The following PAPPA2 variants were observed in gnomAD, a reference collection of about 807,000 sequenced individuals.
The protein encoded by PAPPA2 is pappalysin-2.
In PAPPA2, 86 loss-of-function variants were observed where a neutral mutation model predicts 176.4. That is an observed-to-expected ratio of 0.49 (90% confidence interval 0.41 to 0.58). The LOEUF is 0.58. Among genes scored for constraint, PAPPA2 ranks in the 20% least tolerant of loss-of-function variants. PAPPA2 has a pLI of 0.00. For missense variants in PAPPA2, 2,073 were observed against 2,256.9 expected (o/e 0.92, Z 1.65); for synonymous variants, 809 against 852.2 (o/e 0.95, Z 0.88).
chr1:176,611,127 C>T (rs1295817557), intron 3 of PAPPA2, among the ~76,000 whole-genome samples: 1 of 152,130 alleles, frequency 6.6e-6, no homozygotes, highest in Non-Finnish European at 1.5e-5. Flanking sequence ...TTCTAAGAAT[C>T]ATTTATATGT....
chr1:176,768,589 CT>C (rs1664081145), intron 15 of PAPPA2, among the ~76,000 whole-genome samples: 1 of 152,062 alleles, frequency 6.6e-6, no homozygotes, highest in African/African-American at 2.4e-5. Flanking sequence ...TCCTTTTCTC[CT>C]TTCTATTCTT....
At chr1:176,582,140 G>C (rs1043810434) in intron 2 of PAPPA2, among the ~76,000 whole-genome samples, 2 of 151,872 alleles carry the variant, frequency 1.3e-5, no homozygotes, top group Non-Finnish European at 2.9e-5. Flanking sequence ...TGTTAGCCAG[G>C]ATAGTCTCGA....
chr1:176,702,768 TGTGTGTGTGAGAGAGA>T (rs768402055), intron 9 of PAPPA2, 33 bp downstream of exon 9: 2 of 1,577,518 alleles, frequency 1.3e-6, no homozygotes, highest in Non-Finnish European at 1.7e-6. Context: ...TGTGTGTGTG[TGTGTGTGTGAGAGAGA>T]GAGAGAGAGA....
rs778397336 is a variant in PAPPA2, at chr1:176,793,592, C to T, written c.5053C>T (p.Pro1685Ser). 2.5e-6 allele frequency: 4 copies of T among 1,612,954 alleles called. No homozygotes were observed. Among genetic ancestry groups the T allele is most frequent in the Admixed American group, 1.7e-5 (1 of 59,928 alleles). The change falls in exon 20 of 23, where the codon CCC (proline) becomes TCC (serine). Residue 1685 changes from proline to serine, a missense_variant. By Grantham distance (74) the Pro-to-Ser change is moderately conservative. Around this residue, in one of 4 missense-constraint regions of PAPPA2, gnomAD observed 846 missense variants for 857.9 expected, o/e 0.99. Transcript: ENST00000367662. ...GTGTTCCCCATTGTGTGTAATCCCCCCCAGTGACCCCGTGATGCTACCTGA... is the reference window on the plus strand; with the variant it reads ...GTGTTCCCCATTGTGTGTAATCCCCTCCAGTGACCCCGTGATGCTACCTGA... The part of the protein sequence containing the change: ...AVCSPLCVIP[P>S]SDPVMLPENI...
intron 3 of PAPPA2, among the ~76,000 whole-genome samples, chr1:176,666,296 T>G (rs527799875): frequency 2.8e-4 from 42 of 152,234 alleles, no homozygotes; most frequent in South Asian, 1.2e-3. Flanking sequence ...TTAAAAAAAT[T>G]TCCTGGGCAG....
At chr1:176,487,014 A>C (rs1305341002) in intron 1 of PAPPA2, among the ~76,000 whole-genome samples, 4 of 152,202 alleles carry the variant, frequency 2.6e-5, no homozygotes, top group Non-Finnish European at 1.5e-5. Context: ...GAACCAGGAA[A>C]ACATGGCCAA....
intron 14 of PAPPA2, among the ~76,000 whole-genome samples, chr1:176,747,769 T>A (rs1217061165): frequency 1.3e-5 from 2 of 152,200 alleles, no homozygotes; most frequent in Admixed American, 6.5e-5. Context: ...TGTAAGGCTA[T>A]AATGAGGTGT....
At chr1:176,803,745 T>G (rs2102953175) in intron 21 of PAPPA2, among the ~76,000 whole-genome samples, 1 of 152,348 alleles carries the variant, frequency 6.6e-6, no homozygotes, top group East Asian at 1.9e-4. Flanking sequence ...CTATTGTGTC[T>G]CTTCTGCTAA....
At chr1:176,522,410 G>GA (rs1268646821) in intron 1 of PAPPA2, among the ~76,000 whole-genome samples, 3 of 152,110 alleles carry the variant, frequency 2.0e-5, no homozygotes, top group Non-Finnish European at 4.4e-5. Context: ...TCTTTCAGTA[G>GA]AAAAAACTCC....
At chr1:176,737,475 G>A (rs538528436) in intron 12 of PAPPA2, among the ~76,000 whole-genome samples, 3 of 152,174 alleles carry the variant, frequency 2.0e-5, no homozygotes, top group African/African-American at 4.8e-5. Flanking sequence ...CGTGGGGTCC[G>A]AATGAATGAA....
intron 14 of PAPPA2, among the ~76,000 whole-genome samples, chr1:176,763,307 C>T (rs1663781097): frequency 6.6e-6 from 1 of 152,150 alleles, no homozygotes; most frequent in African/African-American, 2.4e-5. Context: ...GTCTTCCATA[C>T]TAGACTATGT....
chr1:176,744,467 G>T (rs1031778051), intron 14 of PAPPA2, among the ~76,000 whole-genome samples: 1 of 152,018 alleles, frequency 6.6e-6, no homozygotes, highest in Non-Finnish European at 1.5e-5. Context: ...GATTCTTTAG[G>T]ACTCAGTAGC....
intron 1 of PAPPA2, among the ~76,000 whole-genome samples, chr1:176,474,485 G>T (rs1405957161): frequency 6.6e-6 from 1 of 152,172 alleles, no homozygotes; most frequent in Non-Finnish European, 1.5e-5. Flanking sequence ...TGATTCCGTG[G>T]TCTCTGCCAT....
intron 14 of PAPPA2, among the ~76,000 whole-genome samples, chr1:176,741,609 G>T (rs866077094): frequency 6.6e-6 from 1 of 152,130 alleles, no homozygotes; most frequent in Non-Finnish European, 1.5e-5. Flanking sequence ...AAGGGGAGGG[G>T]TTGGCATAGG....
intron 14 of PAPPA2, among the ~76,000 whole-genome samples, chr1:176,740,848 T>C (rs1260056438): frequency 6.6e-6 from 1 of 152,126 alleles, no homozygotes; most frequent in Non-Finnish European, 1.5e-5. Flanking sequence ...AATCACTCTA[T>C]GCATGGTCTA....
At chr1:176,741,631 C>A (rs976843075) in intron 14 of PAPPA2, among the ~76,000 whole-genome samples, 18 of 152,124 alleles carry the variant, frequency 1.2e-4, no homozygotes, top group Non-Finnish European at 2.4e-4. Flanking sequence ...GCATGAATCT[C>A]TGGGGGCCAG....
At chr1:176,477,559 A>G (rs924826191) in intron 1 of PAPPA2, among the ~76,000 whole-genome samples, 1 of 152,142 alleles carries the variant, frequency 6.6e-6, no homozygotes, top group African/African-American at 2.4e-5. Flanking sequence ...ATCCTGGCCA[A>G]CATGGTGAAA....
intron 1 of PAPPA2, among the ~76,000 whole-genome samples, chr1:176,514,564 C>G (rs1473052190): frequency 6.6e-6 from 1 of 152,244 alleles, no homozygotes; most frequent in Non-Finnish European, 1.5e-5. Context: ...GTCAAAACCT[C>G]AGTGGAGCAA....
rs200610230 is a variant in PAPPA2 at position 176,594,676 on chromosome 1, C to T, written c.1072C>T (p.Arg358Cys). The T allele has an allele frequency of 1.9e-4, 306 of 1,614,200 alleles. No homozygotes were observed. Among genetic ancestry groups the T allele is most frequent in the Admixed American group, 6.7e-4 (40 of 60,036 alleles). The stretch of plus-strand genomic sequence containing the variant: ...AGCCACCATCTTGATTAGCCACAGT[C>T]GCTACCAACCAGGCACATGGACCCA... ...KKATILISHSRYQPGTWTHVA... is the reference protein window; with the variant it reads ...KKATILISHSCYQPGTWTHVA... Residue 358 changes from arginine to cysteine, a missense_variant, in exon 3 of 23, where the codon CGC (arginine) becomes TGC (cysteine). Around this residue, in one of 4 missense-constraint regions of PAPPA2, gnomAD observed 1,196 missense variants for 1,330.4 expected, o/e 0.90. Coordinates refer to ENST00000367662, the MANE Select transcript of PAPPA2 (RefSeq NM_020318.3).
Sources: allele counts gnomAD v4.1 joint callset (sites outside exome capture counted in the v4.1 genomes callset), GRCh38; gene constraint gnomAD v4.1.1; regional missense constraint gnomAD v4.1.1; transcripts MANE v1.5; gene names NCBI Gene and HGNC (gene_info 2026-07-23, HGNC 2026-07-21).